The following PRKCA variants were observed in gnomAD, a reference collection of about 807,000 sequenced individuals.
PRKCA encodes the protein protein kinase C alpha.
PRKCA carries 27 observed loss-of-function variants against 87.0 expected under a neutral mutation model. That is an observed-to-expected ratio of 0.31 (90% confidence interval 0.23 to 0.43). The LOEUF (loss-of-function observed/expected upper bound fraction) is 0.43. PRKCA is among the 20% of genes least tolerant of loss of function. The pLI is 1.00. For synonymous variants in PRKCA, 329 were observed against 311.1 expected (o/e 1.06, Z -0.61); for missense variants, 518 against 852.3 (o/e 0.61, Z 4.88).
chr17:66,679,470 G>A (rs1429517709), intron 5 of PRKCA, among the ~76,000 whole-genome samples: 2 of 152,140 alleles, frequency 1.3e-5, no homozygotes, highest in South Asian at 2.1e-4. Context: ...TTGAGCCACC[G>A]TGCCCGGCCT....
intron 8 of PRKCA, among the ~76,000 whole-genome samples, chr17:66,723,356 C>T (rs1460130911): frequency 2.0e-5 from 3 of 152,138 alleles, no homozygotes; most frequent in Admixed American, 6.5e-5. Flanking sequence ...ATGTTGGGTG[C>T]GGTGGCTTCT....
chr17:66,786,363 C>T (rs1435031764), intron 14 of PRKCA, among the ~76,000 whole-genome samples: 9 of 152,168 alleles, frequency 5.9e-5, no homozygotes, highest in Admixed American at 5.9e-4. Context: ...AAGGCCCTCC[C>T]TCAGAGCAGC....
chr17:66,645,530 G>T lies in PRKCA; in HGVS notation c.529+19G>T. 1 of 1,613,998 alleles carries T rather than the reference G, an allele frequency of 6.2e-7. No individual in the cohort carries two copies. The highest frequency in any genetic ancestry group is 8.5e-7 in the Non-Finnish European group (1 of 1,179,886). ...GTCACAGGTAAGGCTTGCTCATCCC[G>T]GAGCAGCATCGTGGGCAGGCATTTG... On this transcript the variant is annotated intron_variant, in intron 5 of 16. Transcript: ENST00000413366.
intron 2 of PRKCA, among the ~76,000 whole-genome samples, chr17:66,307,630 T>C (rs1447269972): frequency 1.3e-5 from 2 of 152,172 alleles, no homozygotes; most frequent in Non-Finnish European, 2.9e-5. Flanking sequence ...GGTTGGTTCC[T>C]CTTAGACCCG....
intron 2 of PRKCA, among the ~76,000 whole-genome samples, chr17:66,479,998 TAAAA>T (rs5821521): frequency 1.0e-3 from 148 of 144,862 alleles, no homozygotes; most frequent in African/African-American, 3.2e-3. Flanking sequence ...CCCCTGAACT[TAAAA>T]AAAAAAAAAA....
chr17:66,552,649 T>A (rs1456193268), intron 3 of PRKCA, among the ~76,000 whole-genome samples: 1 of 152,196 alleles, frequency 6.6e-6, no homozygotes, highest in Non-Finnish European at 1.5e-5. Flanking sequence ...GATTGCACTG[T>A]CAGGAGAGAA....
chr17:66,368,364 GTATATA>G (rs765889045), intron 2 of PRKCA, among the ~76,000 whole-genome samples: 615 of 44,466 alleles, frequency 0.014, 30 homozygotes, highest in Middle Eastern at 0.056. Context: ...GTGTGTATAT[GTATATA>G]TATATATATA....
At chr17:66,327,758 G>C (rs1279719926) in intron 2 of PRKCA, among the ~76,000 whole-genome samples, 1 of 152,146 alleles carries the variant, frequency 6.6e-6, no homozygotes, top group Non-Finnish European at 1.5e-5. Context: ...GACAAGTTTA[G>C]AGGAGAATTA....
At chr17:66,494,675 T>C (rs1029842149) in intron 2 of PRKCA, among the ~76,000 whole-genome samples, 4 of 152,220 alleles carry the variant, frequency 2.6e-5, no homozygotes, top group African/African-American at 9.6e-5. Context: ...GTATACTGTT[T>C]TTTAACATGT....
intron 2 of PRKCA, among the ~76,000 whole-genome samples, chr17:66,476,368 AGCACTTCCT>A (rs2144033786): frequency 1.3e-5 from 2 of 152,322 alleles, no homozygotes; most frequent in African/African-American, 4.8e-5. Context: ...CCTGCTGCAC[AGCACTTCCT>A]GCCACTGTCC....
At chr17:66,747,865 G>A (rs77979493) in intron 13 of PRKCA, among the ~76,000 whole-genome samples, 5,513 of 152,294 alleles carry the variant, frequency 0.036, 318 homozygotes, top group African/African-American at 0.12. Context: ...CGTGGGCATC[G>A]ATCTGTTGGC....
At chr17:66,377,014 GATTT>G (rs142218103) in intron 2 of PRKCA, among the ~76,000 whole-genome samples, 25 of 150,830 alleles carry the variant, frequency 1.7e-4, no homozygotes, top group African/African-American at 3.6e-4. Context: ...AAAGCCTCCG[GATTT>G]ATTTATTTAT....
intron 13 of PRKCA, among the ~76,000 whole-genome samples, chr17:66,749,099 A>G (rs1289263031): frequency 7.0e-6 from 1 of 143,044 alleles, no homozygotes; most frequent in Admixed American, 6.8e-5. Context: ...GGTATTAGGT[A>G]TCTTGGCTCT....
Position 66,809,245 on chromosome 17 carries a change from G to A in PRKCA, c.*5208G>A, listed in dbSNP as rs1976110732. 6.6e-6 allele frequency: 1 copy of A among 152,322 alleles called. No homozygotes were observed. Among genetic ancestry groups the A allele is most frequent in the Non-Finnish European group, 1.5e-5 (1 of 68,024 alleles). The allele number at this position is 152,322 out of a possible 1,614,324, so 9.4% of individuals were successfully genotyped here. ...AATTGTGTTAATTCCGTAGTGTCAG[G>A]GATTCTTCGGGAAGGTCAACAGTAT... On this transcript the variant is annotated 3_prime_UTR_variant, in exon 17 of 17. Coordinates refer to ENST00000413366, the MANE Select transcript of PRKCA (RefSeq NM_002737.3).
rs1976031549 is a variant in PRKCA, at chr17:66,806,386, A to G, written c.*2349A>G. On this transcript the variant is annotated 3_prime_UTR_variant, in exon 17 of 17. Coordinates refer to ENST00000413366, the MANE Select transcript of PRKCA (RefSeq NM_002737.3). ...TTTCTTCTGCCATCTTTTATGCACC[A>G]TAGACATCGAGACTCCAGGGGGTCC... 2 of 152,134 alleles carry G rather than the reference A, an allele frequency of 1.3e-5. No homozygotes were observed. Among genetic ancestry groups the G allele is most frequent in the Non-Finnish European group, 2.9e-5 (2 of 68,076 alleles). The allele number at this position is 152,134 out of a possible 1,614,324, so 9.4% of individuals were successfully genotyped here.
intron 13 of PRKCA, among the ~76,000 whole-genome samples, chr17:66,755,245 C>A (rs937850888): frequency 6.6e-6 from 1 of 152,228 alleles, no homozygotes; most frequent in South Asian, 2.1e-4. Context: ...CCCACGCCCC[C>A]CCAGTGCACA....
intron 2 of PRKCA, among the ~76,000 whole-genome samples, chr17:66,446,375 C>T (rs1448606490): frequency 2.0e-5 from 3 of 152,204 alleles, no homozygotes; most frequent in Non-Finnish European, 4.4e-5. Context: ...GCAGCACCCC[C>T]ATTCACCTTC....
intron 14 of PRKCA, chr17:66,775,786 G>A: frequency 2.0e-6 from 2 of 982,056 alleles, no homozygotes; most frequent in Non-Finnish European, 2.4e-6. Flanking sequence ...CTTACAATGT[G>A]CATGGCCATA....
At chr17:66,569,201 AAG>A (rs1968990086) in intron 3 of PRKCA, among the ~76,000 whole-genome samples, 1 of 152,318 alleles carries the variant, frequency 6.6e-6, no homozygotes, top group East Asian at 1.9e-4. Flanking sequence ...TGAAACATCA[AAG>A]AATGAAAGGT....
Sources: allele counts gnomAD v4.1 joint callset (sites outside exome capture counted in the v4.1 genomes callset), GRCh38; gene constraint gnomAD v4.1.1; transcripts MANE v1.5; gene names NCBI Gene and HGNC (gene_info 2026-07-23, HGNC 2026-07-21).